RBFOX1: variants seen among roughly 807,000 people sequenced by gnomAD.
RBFOX1 encodes the protein RNA binding fox-1 homolog 1, also known as RNA binding protein fox-1 homolog 1.
Under a neutral mutation model 57.7 loss-of-function variants are expected in RBFOX1, and 8 were observed. The ratio of observed to expected loss-of-function variants is 0.14; its 90% CI spans 0.08 to 0.25. RBFOX1 has a LOEUF of 0.25. Among genes scored for constraint, RBFOX1 ranks in the 10% least tolerant of loss-of-function variants. The pLI, the probability that RBFOX1 is intolerant of heterozygous loss-of-function variation, is 1.00. For missense variants in RBFOX1, 611 were observed against 548.5 expected (o/e 1.11, Z -1.14); for synonymous variants, 326 against 222.4 (o/e 1.47, Z -4.15).
At chr16:7,227,417 T>A (rs1477024784) in intron 4 of RBFOX1, among the ~76,000 whole-genome samples, 2 of 151,950 alleles carry the variant, frequency 1.3e-5, no homozygotes, top group African/African-American at 2.4e-5. Flanking sequence ...ATGCAGGAAT[T>A]TTGCATGCTC....
chr16:6,409,344 G>T (rs1266017091), intron 2 of RBFOX1, among the ~76,000 whole-genome samples: 2 of 152,166 alleles, frequency 1.3e-5, no homozygotes, highest in East Asian at 1.9e-4. Context: ...AACCTGGGAG[G>T]CGGATGTTGC....
chr16:5,677,850 G>A (rs1370406042), intron 3 of RBFOX1, among the ~76,000 whole-genome samples: 1 of 152,182 alleles, frequency 6.6e-6, no homozygotes, highest in East Asian at 1.9e-4. Flanking sequence ...TATGAAGATG[G>A]ATTATGGGTA....
intron 3 of RBFOX1, among the ~76,000 whole-genome samples, chr16:6,768,356 T>C (rs2077713755): frequency 6.6e-6 from 1 of 152,036 alleles, no homozygotes. Flanking sequence ...TTTTTTCTTC[T>C]AGGGTAGATG....
chr16:6,942,523 C>CTA (rs1370238260), intron 3 of RBFOX1, among the ~76,000 whole-genome samples: 7 of 152,208 alleles, frequency 4.6e-5, no homozygotes, highest in Non-Finnish European at 1.0e-4. Flanking sequence ...CCTAGTGAGA[C>CTA]TATCAGTTAG....
intron 4 of RBFOX1, among the ~76,000 whole-genome samples, chr16:7,407,114 C>T (rs1435404304): frequency 6.6e-6 from 1 of 152,100 alleles, no homozygotes; most frequent in Non-Finnish European, 1.5e-5. Context: ...TATTTGGTTA[C>T]ATGAGTCACC....
intron 1 of RBFOX1, among the ~76,000 whole-genome samples, chr16:6,210,032 A>T (rs2097282801): frequency 6.6e-6 from 1 of 151,994 alleles, no homozygotes; most frequent in African/African-American, 2.4e-5. Flanking sequence ...AAATCTTACA[A>T]AGGGGCCAGG....
intron 3 of RBFOX1, among the ~76,000 whole-genome samples, chr16:6,914,512 A>G (rs931279194): frequency 1.3e-5 from 2 of 152,110 alleles, no homozygotes; most frequent in Non-Finnish European, 2.9e-5. Flanking sequence ...CACCTTTGAT[A>G]AGTGAGAATC....
At chr16:6,382,630 C>T (rs959165448) in intron 2 of RBFOX1, among the ~76,000 whole-genome samples, 4 of 152,082 alleles carry the variant, frequency 2.6e-5, no homozygotes, top group African/African-American at 9.7e-5. Flanking sequence ...GAGGCTGAGG[C>T]GGGCAGATCA....
At chr16:7,406,446 G>A (rs548527880) in intron 4 of RBFOX1, among the ~76,000 whole-genome samples, 50 of 152,280 alleles carry the variant, frequency 3.3e-4, no homozygotes, top group Admixed American at 9.8e-4. Context: ...TCCTTTTACT[G>A]TGTCACCCTG....
At chr16:5,587,069 C>T (rs1024676471) in intron 2 of RBFOX1, among the ~76,000 whole-genome samples, 18 of 152,168 alleles carry the variant, frequency 1.2e-4, no homozygotes, top group African/African-American at 3.6e-4. Flanking sequence ...GGGCAGAAAG[C>T]TCTGAAAATG....
rs78225703 is a variant in RBFOX1, at chr16:5,556,808, G to C, written c.259-42094G>C. ...CACTGTTCTGTGGCCACATAAGTTT[G>C]AGGCCACAGTATTTTCAGGCCACTG... On this transcript the variant is annotated intron_variant, in intron 2 of 2. Transcript: ENST00000585867. 5.3e-3 allele frequency among the ~76,000 whole-genome samples: 808 copies of C among 152,338 alleles called. 13 individuals are homozygous for C. The highest frequency in any genetic ancestry group is 0.018 in the African/African-American group (765 of 41,570).
At position 6,661,247 on chromosome 16, in the gene RBFOX1, C is replaced by G. The variant is rs747519523; in HGVS notation, c.-16+6597C>G. 9.2e-5 allele frequency among the ~76,000 whole-genome samples: 14 copies of G among 152,266 alleles called. 1 individual carries two copies. Among genetic ancestry groups the G allele is most frequent in the African/African-American group, 2.4e-4 (10 of 41,542 alleles). On this transcript the variant is annotated intron_variant, in intron 3 of 15. Transcript: ENST00000550418. ...ACTTACAAGACTTGAGTGTTGAAAG[C>G]TAACTCTCAGTGGGTTAGAAAGAGC... is the stretch of plus-strand genomic sequence containing the variant.
At chr16:6,850,910 C>T (rs1013375686) in intron 3 of RBFOX1, among the ~76,000 whole-genome samples, 2 of 152,180 alleles carry the variant, frequency 1.3e-5, no homozygotes, top group African/African-American at 4.8e-5. Flanking sequence ...ATCCACAAAA[C>T]AACCTGTATG....
chr16:6,605,008 T>C (rs1053724056), intron 2 of RBFOX1, among the ~76,000 whole-genome samples: 2 of 151,900 alleles, frequency 1.3e-5, no homozygotes, highest in Non-Finnish European at 2.9e-5. Context: ...TAAATATAAA[T>C]GTATTTATAG....
At chr16:6,698,866 G>T (rs780585051) in intron 3 of RBFOX1, among the ~76,000 whole-genome samples, 1 of 152,106 alleles carries the variant, frequency 6.6e-6, no homozygotes, top group Non-Finnish European at 1.5e-5. Flanking sequence ...ATATGACCTT[G>T]GAGGGTTTTT....
At chr16:7,137,734 G>T (rs2072441223) in intron 4 of RBFOX1, among the ~76,000 whole-genome samples, 1 of 152,122 alleles carries the variant, frequency 6.6e-6, no homozygotes, top group African/African-American at 2.4e-5. Context: ...AATAATGGTG[G>T]TAAACTCGAA....
intron 1 of RBFOX1, among the ~76,000 whole-genome samples, chr16:6,103,587 G>T (rs575223190): frequency 6.6e-6 from 1 of 152,140 alleles, no homozygotes; most frequent in Non-Finnish European, 1.5e-5. Flanking sequence ...AGCAGATTCA[G>T]GCTCCTTCCA....
At chr16:7,607,650 A>G (rs2056598638) in intron 10 of RBFOX1, among the ~76,000 whole-genome samples, 1 of 152,114 alleles carries the variant, frequency 6.6e-6, no homozygotes. Flanking sequence ...AGCTGCTCAC[A>G]CCCATTGTAT....
intron 3 of RBFOX1, among the ~76,000 whole-genome samples, chr16:6,783,254 G>T: frequency 6.6e-6 from 1 of 151,314 alleles, no homozygotes; most frequent in Admixed American, 6.6e-5. Context: ...TGATAGGTGA[G>T]GACTTACTAC....
Sources: allele counts gnomAD v4.1 joint callset (sites outside exome capture counted in the v4.1 genomes callset), GRCh38; gene constraint gnomAD v4.1.1; transcripts MANE v1.5; gene names NCBI Gene and HGNC (gene_info 2026-07-23, HGNC 2026-07-21).